IL19: variants seen among roughly 807,000 people sequenced by gnomAD.
IL19 encodes interleukin-19.
A neutral mutation model predicts 19.5 loss-of-function variants in IL19; 15 were observed. The observed-to-expected ratio is 0.77, with a 90% confidence interval of 0.52 to 1.19. The LOEUF is 1.19. Among genes scored for constraint, IL19 ranks in the 50% most tolerant of loss-of-function variants. The probability of loss-of-function intolerance (pLI) is 0.00; values close to 1 mark genes in which losing one functional copy is unlikely to be tolerated. For missense variants in IL19, 199 were observed against 213.1 expected (o/e 0.93, Z 0.41); for synonymous variants, 78 against 78.3 (o/e 1.00, Z 0.02).
intron 1 of IL19, among the ~76,000 whole-genome samples, chr1:206,782,838 T>A (rs577997517): frequency 6.6e-6 from 1 of 152,358 alleles, no homozygotes; most frequent in East Asian, 1.9e-4. Flanking sequence ...CTCTGCTTTC[T>A]TCTTCTGCCT....
chr1:206,798,256 GGCCC>G (rs1454262851), intron 1 of IL19, among the ~76,000 whole-genome samples: 1 of 152,098 alleles, frequency 6.6e-6, no homozygotes, highest in Non-Finnish European at 1.5e-5. Flanking sequence ...TTCTTCACCT[GGCCC>G]GTTGTTCCAT....
chr1:206,801,435 G>A (rs1267902742), intron 2 of IL19, among the ~76,000 whole-genome samples: 2 of 152,230 alleles, frequency 1.3e-5, no homozygotes, highest in Non-Finnish European at 2.9e-5. Context: ...CCTGGTCCTT[G>A]TCTCTTTCCA....
rs550376712 is a variant in IL19, at chr1:206,774,729, C to T, written c.-149+3651C>T. ...CAGGACATTGTTTTATTAATCTTTG[C>T]GTACTTGGTACTTAGCACCAAGTCT... On this transcript the variant is annotated intron_variant, in intron 1 of 6. Coordinates refer to ENST00000659997, the MANE Select transcript of IL19 (RefSeq NM_153758.5). 1.9e-4 allele frequency among the ~76,000 whole-genome samples: 29 copies of T among 152,304 alleles called. No homozygotes were observed. In the South Asian group the frequency reaches 5.6e-3, roughly 29 times the overall value.
chr1:206,842,428 A>G, intron 6 of IL19, 99 bp from the exon 7 acceptor site: 2 of 719,594 alleles, frequency 2.8e-6, no homozygotes, highest in South Asian at 1.9e-5. Flanking sequence ...AAACAAAAAC[A>G]GAAACAAAAC....
chr1:206,804,408 G>A (rs1230898314), intron 2 of IL19, among the ~76,000 whole-genome samples: 1 of 152,096 alleles, frequency 6.6e-6, no homozygotes, highest in African/African-American at 2.4e-5. Context: ...TCTGTTTCTG[G>A]CACCTCATTT....
chr1:206,799,019 T>C lies in IL19; in HGVS notation c.-3+13T>C. 1.3e-6 allele frequency: 2 copies of C among 1,542,680 alleles called. No homozygotes were observed. Among genetic ancestry groups the C allele is most frequent in the Non-Finnish European group, 1.8e-6 (2 of 1,115,036 alleles). On this transcript the variant is annotated intron_variant, in intron 2 of 6. Coordinates refer to ENST00000659997, the MANE Select transcript of IL19 (RefSeq NM_153758.5). ...TCTGTTCCACGGGGTAAGTAATTTC[T>C]GCTATAGGGACCCTGGATGTGGAGC...
chr1:206,781,414 C>CAAAAAAAAAAAA (rs57060549), intron 1 of IL19, among the ~76,000 whole-genome samples: 19 of 42,998 alleles, frequency 4.4e-4, no homozygotes, highest in Non-Finnish European at 5.5e-4. Flanking sequence ...GACTCTGTCT[C>CAAAAAAAAAAAA]AAAAAAAAAA....
chr1:206,840,926 C>A, intron 5 of IL19, 78 bp from the exon 6 acceptor site: 5 of 1,179,032 alleles, frequency 4.2e-6, no homozygotes, highest in Non-Finnish European at 6.3e-6. Context: ...AATGTCACTT[C>A]TCATGTGGGG....
intron 2 of IL19, among the ~76,000 whole-genome samples, chr1:206,805,072 C>T (rs922510716): frequency 5.9e-5 from 9 of 152,218 alleles, no homozygotes; most frequent in African/African-American, 1.9e-4. Context: ...TTCTAGAGTA[C>T]ACACCTGTAT....
chr1:206,828,123 A>G (rs953179115), intron 2 of IL19, among the ~76,000 whole-genome samples: 1 of 1,092 alleles, frequency 9.2e-4, no homozygotes, highest in Non-Finnish European at 4.6e-3. Flanking sequence ...ATAAAACATG[A>G]CTGGAGTGAC....
intron 2 of IL19, among the ~76,000 whole-genome samples, chr1:206,823,336 G>A (rs1446551318): frequency 2.0e-5 from 3 of 151,886 alleles, no homozygotes; most frequent in East Asian, 1.9e-4. Context: ...GGCGGATCAC[G>A]AGGTCAGGAG....
At chr1:206,818,937 T>A (rs986702520) in intron 2 of IL19, among the ~76,000 whole-genome samples, 1 of 151,668 alleles carries the variant, frequency 6.6e-6, no homozygotes, top group Non-Finnish European at 1.5e-5. Flanking sequence ...CTCAGCCTCC[T>A]GAGTAGCTGG....
At chr1:206,816,037 AC>A (rs1676147065) in intron 2 of IL19, among the ~76,000 whole-genome samples, 1 of 152,112 alleles carries the variant, frequency 6.6e-6, no homozygotes, top group Non-Finnish European at 1.5e-5. Flanking sequence ...TGAAAACAAA[AC>A]AAAACAAAAC....
At chr1:206,840,976 G>A (rs1316087569) in intron 5 of IL19, 28 bp from the exon 6 acceptor site, 1 of 1,601,284 alleles carries the variant, frequency 6.2e-7, no homozygotes, top group Admixed American at 1.7e-5. Context: ...AATGTCCTCT[G>A]ATAGGAGCTT....
At chr1:206,811,120 A>G (rs750738307) in intron 2 of IL19, among the ~76,000 whole-genome samples, 10 of 152,188 alleles carry the variant, frequency 6.6e-5, no homozygotes, top group Non-Finnish European at 1.3e-4. Flanking sequence ...GATAAATACC[A>G]TAAAAAACAG....
At chr1:206,806,635 A>G (rs1200715891) in intron 2 of IL19, among the ~76,000 whole-genome samples, 1 of 152,240 alleles carries the variant, frequency 6.6e-6, no homozygotes, top group East Asian at 1.9e-4. Context: ...CCAGTAAAAA[A>G]TGTATCACAA....
intron 2 of IL19, among the ~76,000 whole-genome samples, chr1:206,824,762 G>GA (rs1374547649): frequency 1.3e-5 from 2 of 152,168 alleles, no homozygotes; most frequent in Non-Finnish European, 2.9e-5. Context: ...GAGTCTAAAA[G>GA]AAAAAAATCT....
intron 2 of IL19, among the ~76,000 whole-genome samples, chr1:206,801,396 T>C (rs536476158): frequency 1.3e-5 from 2 of 152,300 alleles, no homozygotes; most frequent in Middle Eastern, 6.8e-3. Flanking sequence ...TCCTGGACCT[T>C]TCCCTGGCCA....
intron 1 of IL19, among the ~76,000 whole-genome samples, chr1:206,779,842 T>G (rs756210278): frequency 6.6e-6 from 1 of 150,384 alleles, no homozygotes; most frequent in African/African-American, 2.5e-5. Flanking sequence ...ATGATCCGCA[T>G]GCTCTCTCTC....
Sources: gnomAD v4.1 joint callset for allele counts (sites outside exome capture counted in the v4.1 genomes callset) on GRCh38, gnomAD v4.1.1 for gene constraint, MANE v1.5 for transcripts, NCBI Gene and HGNC (gene_info 2026-07-23, HGNC 2026-07-21) for gene names.